The following SCML4 variants were observed in gnomAD, a reference collection of about 807,000 sequenced individuals.
SCML4 encodes sex comb on midleg-like protein 4.
In SCML4, 34 loss-of-function variants were observed where a neutral mutation model predicts 41.1. The ratio of observed to expected loss-of-function variants is 0.83; its 90% CI spans 0.63 to 1.10. SCML4 has a LOEUF of 1.10. SCML4 is among the 50% of genes least tolerant of loss of function. The pLI is 0.00. For missense variants in SCML4, 522 were observed against 534.1 expected (o/e 0.98, Z 0.22); for synonymous variants, 214 against 220.9 (o/e 0.97, Z 0.28).
intron 6 of SCML4, among the ~76,000 whole-genome samples, chr6:107,718,007 G>T (rs1379728891): frequency 1.3e-5 from 2 of 152,200 alleles, no homozygotes; most frequent in Admixed American, 1.3e-4. Flanking sequence ...GGCCTCTCCT[G>T]GGGTGCAACC....
At chr6:107,711,837 TG>T (rs1774253287) in intron 6 of SCML4, among the ~76,000 whole-genome samples, 1 of 152,216 alleles carries the variant, frequency 6.6e-6, no homozygotes, top group African/African-American at 2.4e-5. Context: ...GGCTTTCTGC[TG>T]TCTCTGTCTC....
At chr6:107,741,560 A>G (rs1235028771) in intron 5 of SCML4, among the ~76,000 whole-genome samples, 5 of 152,252 alleles carry the variant, frequency 3.3e-5, no homozygotes, top group Non-Finnish European at 7.3e-5. Flanking sequence ...TTACTTGCCC[A>G]AGGGAGATTT....
At chr6:107,782,309 A>G (rs1336699482) in intron 1 of SCML4, among the ~76,000 whole-genome samples, 3 of 152,124 alleles carry the variant, frequency 2.0e-5, no homozygotes, top group Non-Finnish European at 4.4e-5. Context: ...GAAGAGGAGG[A>G]AAGACTGCTT....
chr6:107,748,102 A>G (rs573030213), intron 3 of SCML4, among the ~76,000 whole-genome samples: 1 of 152,374 alleles, frequency 6.6e-6, no homozygotes, highest in South Asian at 2.1e-4. Flanking sequence ...TTCACTTTCA[A>G]TGACATGGTA....
At chr6:107,720,454 G>C in intron 6 of SCML4, 1 of 1,194,072 alleles carries the variant, frequency 8.4e-7, no homozygotes, top group Non-Finnish European at 1.0e-6. Context: ...ATTTGAGCCT[G>C]TGTACATTTT....
chr6:107,805,696 A>G (rs73525481), intron 1 of SCML4, among the ~76,000 whole-genome samples: 1,923 of 152,246 alleles, frequency 0.013, 42 homozygotes, highest in African/African-American at 0.044. Context: ...AAATTTTCCA[A>G]CTTAGCTCAG....
chr6:107,749,056 C>G (rs1211584964), intron 3 of SCML4, among the ~76,000 whole-genome samples: 1 of 151,954 alleles, frequency 6.6e-6, no homozygotes, highest in Non-Finnish European at 1.5e-5. Flanking sequence ...ATGGGAGGGA[C>G]TGAAGGGATT....
chr6:107,715,322 C>T (rs1409818975), intron 6 of SCML4, among the ~76,000 whole-genome samples: 1 of 146,726 alleles, frequency 6.8e-6, no homozygotes, highest in African/African-American at 2.6e-5. Context: ...CTTTTGTCCG[C>T]TTCACCTCCT....
rs1457731078 is a variant in SCML4 at position 107,703,634 on chromosome 6, T to C, written c.*1566A>G. Among the ~76,000 whole-genome samples the C allele has an allele frequency of 6.6e-6, 1 of 152,192 alleles. No homozygotes were observed. Among genetic ancestry groups the C allele is most frequent in the Non-Finnish European group, 1.5e-5 (1 of 68,028 alleles). On this transcript the variant is annotated 3_prime_UTR_variant, in exon 8 of 8. Coordinates refer to ENST00000369020, the MANE Select transcript of SCML4 (RefSeq NM_198081.5). ...AGGTCATGCTCTGTACAACGGCAGC[T>C]GATCAAGCGGTGAGGAGGTTGAGCC...
chr6:107,781,882 G>C (rs1294656233), intron 1 of SCML4, among the ~76,000 whole-genome samples: 1 of 152,132 alleles, frequency 6.6e-6, no homozygotes, highest in Non-Finnish European at 1.5e-5. Context: ...TCTGTTGTTG[G>C]ATGGGGGTAC....
Position 107,767,266 on chromosome 6 carries a change from T to C in SCML4, c.156+4906A>G, listed in dbSNP as rs560638627. Among the ~76,000 whole-genome samples, 7 of 152,234 alleles carry C rather than the reference T, an allele frequency of 4.6e-5. No homozygotes were observed. In the South Asian group the frequency reaches 1.5e-3, roughly 32 times the overall value. On this transcript the variant is annotated intron_variant, in intron 2 of 7. Transcript: ENST00000369020. ...CCACCACACCCGGCCTATTAAGCTA[T>C]CTTTAATGTCTGTAATACAACTCCA...
At chr6:107,834,457 A>C in the SCML4 span, among the ~76,000 whole-genome samples, 1 of 152,200 alleles carries the variant, frequency 6.6e-6, no homozygotes, top group Non-Finnish European at 1.5e-5. Context: ...CACCCAGATG[A>C]GACCTCGGAA....
intron 1 of SCML4, among the ~76,000 whole-genome samples, chr6:107,819,427 C>A (rs1030057403): frequency 1.3e-5 from 2 of 152,166 alleles, no homozygotes; most frequent in African/African-American, 4.8e-5. Context: ...GCTAAGCAGA[C>A]AACATCACCA....
chr6:107,823,585 A>G (rs1425037984), intron 1 of SCML4, among the ~76,000 whole-genome samples: 1 of 152,220 alleles, frequency 6.6e-6, no homozygotes, highest in African/African-American at 2.4e-5. Context: ...AACCAGCACA[A>G]AGACATGTGA....
At chr6:107,823,218 C>T (rs2114319743) in intron 1 of SCML4, among the ~76,000 whole-genome samples, 1 of 152,278 alleles carries the variant, frequency 6.6e-6, no homozygotes, top group East Asian at 1.9e-4. Context: ...CTCATGAGTA[C>T]CGTCATGGAA....
At chr6:107,826,795 G>A (rs1053676645), upstream of SCML4, among the ~76,000 whole-genome samples, 4 of 152,338 alleles carry the variant, frequency 2.6e-5, no homozygotes, top group Non-Finnish European at 5.9e-5. Context: ...TGGGCGCGGT[G>A]GCTCACGCCT....
chr6:107,762,667 C>G (rs1779694481), intron 2 of SCML4, among the ~76,000 whole-genome samples: 1 of 152,068 alleles, frequency 6.6e-6, no homozygotes, highest in Non-Finnish European at 1.5e-5. Flanking sequence ...GGGGAGTAAG[C>G]TGTCTACAAG....
chr6:107,731,200 A>G (rs574936355), intron 5 of SCML4, among the ~76,000 whole-genome samples: 130 of 152,356 alleles, frequency 8.5e-4, no homozygotes, highest in Non-Finnish European at 1.3e-3. Flanking sequence ...GACCTTATGT[A>G]TAAAACTATA....
At chr6:107,759,123 CAAAAAATACAAA>C (rs1779340139) in intron 2 of SCML4, among the ~76,000 whole-genome samples, 1 of 21,836 alleles carries the variant, frequency 4.6e-5, no homozygotes, top group Non-Finnish European at 8.6e-5. Context: ...TCCATCTCTA[CAAAAAATACAAA>C]AAAAAAAAAA....
Sources: gnomAD v4.1 joint callset for allele counts (sites outside exome capture counted in the v4.1 genomes callset) on GRCh38, gnomAD v4.1.1 for gene constraint, MANE v1.5 for transcripts, NCBI Gene and HGNC (gene_info 2026-07-23, HGNC 2026-07-21) for gene names.